ILDR1: variants seen among roughly 807,000 people sequenced by gnomAD.
The protein encoded by ILDR1 is immunoglobulin-like domain-containing receptor 1.
Under a neutral mutation model 62.4 loss-of-function variants are expected in ILDR1, and 56 were observed. The ratio of observed to expected loss-of-function variants is 0.90; its 90% CI spans 0.72 to 1.12. The LOEUF (loss-of-function observed/expected upper bound fraction) is 1.12, where lower values mean the gene tolerates loss of function less well. ILDR1 is among the 50% of genes most tolerant of loss of function. The pLI is 0.00. For missense variants in ILDR1, 736 were observed against 710.6 expected (o/e 1.04, Z -0.41); for synonymous variants, 284 against 277.8 (o/e 1.02, Z -0.22).
intron 1 of ILDR1, among the ~76,000 whole-genome samples, chr3:122,008,686 C>A (rs749992818): frequency 1.3e-5 from 2 of 150,436 alleles, no homozygotes; most frequent in African/African-American, 4.9e-5. Context: ...CTCCACCTCT[C>A]GGGTTCATGG....
chr3:122,001,305 C>T lies in ILDR1; in HGVS notation c.646+3G>A. 6.2e-7 allele frequency: 1 copy of T among 1,614,166 alleles called. No homozygotes were observed. The highest frequency in any genetic ancestry group is 8.5e-7 in the Non-Finnish European group (1 of 1,180,012). On this transcript the variant is annotated splice_donor_region_variant and intron_variant, in intron 5 of 7. Transcript: ENST00000344209. ...ATTCCACTGCTTGTCTGTCCCCTCT[C>T]ACCTTCCTCAGGACAGCAGCAGTGG... is the stretch of plus-strand genomic sequence containing the variant.
chr3:122,043,234 G>A, the ILDR1 span, among the ~76,000 whole-genome samples: 10 of 149,474 alleles, frequency 6.7e-5, no homozygotes, highest in African/African-American at 1.5e-4. Flanking sequence ...GTAGATATGC[G>A]GCGTTATTTC....
the ILDR1 span, among the ~76,000 whole-genome samples, chr3:122,040,950 A>G: frequency 1.3e-5 from 2 of 152,212 alleles, no homozygotes; most frequent in African/African-American, 4.8e-5. Flanking sequence ...TGTGAAAGAC[A>G]CCATCAAGAG....
In ILDR1 at chr3:122,021,976, T is replaced by C. The variant is rs1398597567; in HGVS notation, c.58+44A>G. The C allele has an allele frequency of 3.2e-6, 5 of 1,571,220 alleles. No individual in the cohort carries two copies. The African/African-American group carries it at 4.1e-5, about 13-fold the overall frequency. On this transcript the variant is annotated intron_variant, in intron 1 of 7. Transcript: ENST00000344209. ...GCAAGGCCACGCCACAATGGCTTCC[T>C]GTCTCCTTGGGTCCAGGGTGGGTAC...
chr3:121,997,045 C>T (rs1474439609), intron 5 of ILDR1, among the ~76,000 whole-genome samples: 17 of 152,100 alleles, frequency 1.1e-4, no homozygotes, highest in African/African-American at 4.1e-4. Flanking sequence ...GGATTACAGG[C>T]GCCCACCACC....
chr3:122,007,436 TATAAGGATTGTATCA>T (rs1245061635), intron 1 of ILDR1: 2 of 514,606 alleles, frequency 3.9e-6, no homozygotes, highest in African/African-American at 3.9e-5. Flanking sequence ...CCAACAACAA[TATAAGGATTGTATCA>T]AAATAAAGCC....
chr3:122,021,912 G>C (rs913106381), intron 1 of ILDR1, 108 bp downstream of exon 1: 44 of 1,059,044 alleles, frequency 4.2e-5, no homozygotes, highest in Admixed American at 1.8e-4. Flanking sequence ...CCACCAGAGC[G>C]CGGCCCAGGC....
chr3:122,021,356 C>A (rs1172940308), intron 1 of ILDR1, among the ~76,000 whole-genome samples: 1 of 152,170 alleles, frequency 6.6e-6, no homozygotes, highest in Non-Finnish European at 1.5e-5. Context: ...CCAGGACACA[C>A]ACAGAGATAC....
chr3:122,001,440 TC>T lies in ILDR1; in HGVS notation c.513del (p.Ile172SerfsTer13), dbSNP rs375603020. The T allele has an allele frequency of 6.2e-7, 1 of 1,614,096 alleles. No homozygotes were observed. The highest frequency in any genetic ancestry group is 1.3e-5 in the African/African-American group (1 of 75,006). Reference sequence around the variant, plus strand: ...AGGAGGGCTCCCAGGATGATGAAGATCACTGTCAGCCAGTCTGCAGGGGAGA... The same window carrying T: ...AGGAGGGCTCCCAGGATGATGAAGATACTGTCAGCCAGTCTGCAGGGGAGA... Reference protein sequence around the residue: ...VKLIVLHWLTVIFIILGALLL... With the variant: ...VKLIVLHWLTXIFIILGALLL... On this transcript the variant is annotated frameshift_variant, in exon 5 of 8. Transcript: ENST00000344209. LOFTEE classifies it high-confidence loss of function.
the ILDR1 span, among the ~76,000 whole-genome samples, chr3:122,028,386 A>G: frequency 1.3e-5 from 2 of 151,456 alleles, no homozygotes; most frequent in African/African-American, 4.9e-5. Flanking sequence ...TGGAAAAAAT[A>G]CCCTCATATC....
chr3:122,040,744 A>G, the ILDR1 span, among the ~76,000 whole-genome samples: 1 of 151,338 alleles, frequency 6.6e-6, no homozygotes, highest in Non-Finnish European at 1.5e-5. Flanking sequence ...AAAGAAAAAA[A>G]AAAAACAAGA....
chr3:122,022,317 G>T, upstream of ILDR1: 1 of 423,352 alleles, frequency 2.4e-6, no homozygotes, highest in Non-Finnish European at 4.2e-6. Context: ...TTCCTGCTCC[G>T]CCCCCGCCTC....
upstream of ILDR1, among the ~76,000 whole-genome samples, chr3:122,024,690 T>C (rs2071906212): frequency 6.6e-6 from 1 of 152,210 alleles, no homozygotes; most frequent in African/African-American, 2.4e-5. Flanking sequence ...ATAAGGGCTA[T>C]TATTATCAAT....
At chr3:122,056,308 T>G in the ILDR1 span, among the ~76,000 whole-genome samples, 2 of 152,202 alleles carry the variant, frequency 1.3e-5, no homozygotes, top group African/African-American at 2.4e-5. Context: ...TGGTGGCAGC[T>G]GGCGCCAGTC....
At chr3:122,025,801 A>G (rs1305411300), upstream of ILDR1, among the ~76,000 whole-genome samples, 1 of 152,208 alleles carries the variant, frequency 6.6e-6, no homozygotes, top group Non-Finnish European at 1.5e-5. Context: ...ACTTAAAGCT[A>G]AAGGGAGGTA....
intron 3 of ILDR1, among the ~76,000 whole-genome samples, chr3:122,002,961 G>T (rs1398468963): frequency 6.6e-6 from 1 of 152,098 alleles, no homozygotes; most frequent in Non-Finnish European, 1.5e-5. Context: ...AAAATGAATG[G>T]TTAATATTTA....
chr3:121,989,377 C>A (rs1038852658), intron 7 of ILDR1, among the ~76,000 whole-genome samples: 2 of 152,108 alleles, frequency 1.3e-5, no homozygotes, highest in Non-Finnish European at 2.9e-5. Context: ...ATTAAGAATG[C>A]CGACATAAAA....
intron 1 of ILDR1, among the ~76,000 whole-genome samples, chr3:122,008,824 C>G (rs4974396): frequency 1.3e-5 from 2 of 151,598 alleles, no homozygotes; most frequent in Non-Finnish European, 2.9e-5. Context: ...AACTCCTGAC[C>G]TGAAATGATC....
intron 3 of ILDR1, among the ~76,000 whole-genome samples, chr3:122,003,646 T>A (rs1415320007): frequency 6.6e-6 from 1 of 152,010 alleles, no homozygotes; most frequent in Admixed American, 6.6e-5. Context: ...CTTCAGGAAG[T>A]CACAACAAGC....
Sources: gnomAD v4.1 joint callset for allele counts (sites outside exome capture counted in the v4.1 genomes callset) on GRCh38, gnomAD v4.1.1 for gene constraint, MANE v1.5 for transcripts, NCBI Gene and HGNC (gene_info 2026-07-23, HGNC 2026-07-21) for gene names.